Variants in MYT1L observed in about 807,000 individuals in gnomAD.
The protein encoded by MYT1L is myelin transcription factor 1 like.
MYT1L carries 12 observed loss-of-function variants against 126.7 expected under a neutral mutation model. The ratio of observed to expected loss-of-function variants is 0.09; its 90% CI spans 0.06 to 0.15. The LOEUF is 0.15. Ranked by LOEUF, MYT1L falls within the 10% of genes least tolerant of loss-of-function variation. The pLI, the probability that MYT1L is intolerant of heterozygous loss-of-function variation, is 1.00. For synonymous variants in MYT1L, 541 were observed against 604.2 expected, an observed-to-expected ratio of 0.90 and a Z score of 1.53; for missense variants, 979 against 1,585.2, an observed-to-expected ratio of 0.62 and a Z score of 6.49.
At chr2:2,076,433 T>C (rs544472554) in intron 3 of MYT1L, among the ~76,000 whole-genome samples, 144 of 152,332 alleles carry the variant, frequency 9.5e-4, no homozygotes, top group African/African-American at 3.3e-3. Flanking sequence ...TAAAATCCTC[T>C]GGCTATTCAT....
intron 4 of MYT1L, among the ~76,000 whole-genome samples, chr2:2,027,034 C>G (rs938489848): frequency 4.6e-5 from 7 of 152,170 alleles, no homozygotes; most frequent in African/African-American, 1.7e-4. Context: ...TCGGATCGCT[C>G]CACCTGGACC....
chr2:2,322,599 A>G (rs575575718), intron 1 of MYT1L, among the ~76,000 whole-genome samples: 1 of 152,048 alleles, frequency 6.6e-6, no homozygotes, highest in Admixed American at 6.6e-5. Context: ...ACCCTAAAAA[A>G]AAAAAAACAA....
chr2:1,990,645 G>A (rs570454934), intron 5 of MYT1L, among the ~76,000 whole-genome samples: 41 of 152,260 alleles, frequency 2.7e-4, no homozygotes, highest in African/African-American at 9.4e-4. Context: ...TGACACATGT[G>A]GGCAACAGCA....
intron 1 of MYT1L, among the ~76,000 whole-genome samples, chr2:2,329,057 C>T (rs990164855): frequency 1.3e-5 from 2 of 152,146 alleles, no homozygotes; most frequent in African/African-American, 4.8e-5. Context: ...GCGGACAGCT[C>T]CTGGTGCTGA....
chr2:1,876,376 C>T (rs1167197817), intron 18 of MYT1L, among the ~76,000 whole-genome samples: 1 of 152,070 alleles, frequency 6.6e-6, no homozygotes, highest in Non-Finnish European at 1.5e-5. Context: ...TTCGTGCCAT[C>T]CGTGCCCAGG....
intron 2 of MYT1L, among the ~76,000 whole-genome samples, chr2:2,218,622 T>C (rs569026319): frequency 6.6e-6 from 1 of 152,214 alleles, no homozygotes; most frequent in East Asian, 1.9e-4. Context: ...GGCATGAAGT[T>C]TACCACTTGA....
intron 14 of MYT1L, among the ~76,000 whole-genome samples, chr2:1,896,670 A>G (rs560884742): frequency 1.3e-5 from 2 of 152,330 alleles, no homozygotes; most frequent in Admixed American, 6.5e-5. Context: ...CATGGGAACA[A>G]TCGACACTGT....
intron 2 of MYT1L, among the ~76,000 whole-genome samples, chr2:2,180,782 G>C (rs1409996467): frequency 6.7e-6 from 1 of 150,154 alleles, no homozygotes; most frequent in African/African-American, 2.5e-5. Flanking sequence ...ATTTGTACCT[G>C]TGTGTGCCTG....
intron 19 of MYT1L, among the ~76,000 whole-genome samples, chr2:1,844,791 C>A (rs2042273562): frequency 6.6e-6 from 1 of 152,160 alleles, no homozygotes; most frequent in South Asian, 2.1e-4. Context: ...TTGAACCTAA[C>A]AAAAAGTCGC....
chr2:1,878,973 A>G (rs1397292943), intron 18 of MYT1L, among the ~76,000 whole-genome samples: 1 of 152,128 alleles, frequency 6.6e-6, no homozygotes, highest in Non-Finnish European at 1.5e-5. Flanking sequence ...CTTTCTGTAA[A>G]AATGCAAAAA....
At position 1,801,545 on chromosome 2, in the gene MYT1L, G is replaced by A. The variant is rs1171597885; in HGVS notation, c.3276+151C>T. ...AACACTGCCACGGAATGGTGTCTGCGGAAGACCAATATCATAAGGTGGAAA... is the reference window on the plus strand; with the variant it reads ...AACACTGCCACGGAATGGTGTCTGCAGAAGACCAATATCATAAGGTGGAAA... On this transcript the variant is annotated intron_variant, in intron 23 of 24. Transcript: ENST00000647738. The surrounding 1 kb of genome is among the most constrained non-coding windows in gnomAD (Gnocchi z 4.2). 2.5e-5 allele frequency: 15 copies of A among 593,472 alleles called. No individual in the cohort carries two copies. The highest frequency in any genetic ancestry group is 1.1e-4 in the African/African-American group (6 of 53,448). 36.8% of individuals were successfully genotyped at this position (593,472 alleles called of 1,614,324 possible).
intron 2 of MYT1L, among the ~76,000 whole-genome samples, chr2:2,189,852 G>GCGTTCTCAGGACCGCACGGGGAGAAGCT (rs1393894428): frequency 7.2e-6 from 1 of 139,146 alleles, no homozygotes; most frequent in Non-Finnish European, 1.5e-5. Flanking sequence ...GGGAGAAGCA[G>GCGTTCTCAGGACCGCACGGGGAGAAGCT]CGTTCTCAGG....
intron 2 of MYT1L, among the ~76,000 whole-genome samples, chr2:2,240,461 T>C (rs1226387569): frequency 1.3e-5 from 2 of 152,116 alleles, no homozygotes; most frequent in African/African-American, 4.8e-5. Context: ...ATGGCAATAG[T>C]GGTCATTTTT....
rs2096282386 is a variant in MYT1L, at chr2:2,331,248, C to G, written c.-802G>C. 1 of 152,046 alleles carries G rather than the reference C, an allele frequency of 6.6e-6. No individual in the cohort carries two copies. The highest frequency in any genetic ancestry group is 1.5e-5 in the Non-Finnish European group (1 of 68,036). The allele number at this position is 152,046 out of a possible 1,614,324, so 9.4% of individuals were successfully genotyped here. Reference sequence around the variant, plus strand: ...CAACAAGACTGCAGGGAAAAGCTCTCTCACTGTTTAGTGTGCAGTAGCTTA... The same window carrying G: ...CAACAAGACTGCAGGGAAAAGCTCTGTCACTGTTTAGTGTGCAGTAGCTTA... On this transcript the variant is annotated 5_prime_UTR_variant, in exon 1 of 25. Coordinates refer to ENST00000647738, the MANE Select transcript of MYT1L (RefSeq NM_001303052.2).
At chr2:2,042,592 C>A (rs1488661671) in intron 4 of MYT1L, among the ~76,000 whole-genome samples, 2 of 152,030 alleles carry the variant, frequency 1.3e-5, no homozygotes, top group East Asian at 3.9e-4. Flanking sequence ...CATGAAATTT[C>A]TTGTTATGTT....
chr2:2,228,561 G>A lies in MYT1L; in HGVS notation c.-420-55573C>T, dbSNP rs1424657450. Among the ~76,000 whole-genome samples, 1 of 152,048 alleles carries A rather than the reference G, an allele frequency of 6.6e-6. No individual in the cohort carries two copies. The highest frequency in any genetic ancestry group is 6.5e-5 in the Admixed American group (1 of 15,272). Reference sequence around the variant, plus strand: ...CAATCTTTTTGATTTTATAGAAAAAGTATTTATATAAATTCTTGAGTTGAA... The same window carrying A: ...CAATCTTTTTGATTTTATAGAAAAAATATTTATATAAATTCTTGAGTTGAA... On this transcript the variant is annotated intron_variant, in intron 2 of 24. Coordinates refer to ENST00000647738, the MANE Select transcript of MYT1L (RefSeq NM_001303052.2). The surrounding 1 kb of genome is among the most constrained non-coding windows in gnomAD (Gnocchi z 5.9).
chr2:1,984,933 A>G (rs1007200207), intron 5 of MYT1L, among the ~76,000 whole-genome samples: 2 of 152,156 alleles, frequency 1.3e-5, no homozygotes, highest in African/African-American at 4.8e-5. Flanking sequence ...GGAGGAGCTC[A>G]CTTTGGGTCC....
At chr2:1,818,169 G>A (rs1054039457) in intron 21 of MYT1L, among the ~76,000 whole-genome samples, 3 of 152,212 alleles carry the variant, frequency 2.0e-5, no homozygotes, top group Non-Finnish European at 2.9e-5. Flanking sequence ...TGAAACTTTC[G>A]AAGGGGGATA....
intron 4 of MYT1L, among the ~76,000 whole-genome samples, chr2:2,029,492 A>C (rs1287104590): frequency 6.6e-6 from 1 of 152,238 alleles, no homozygotes; most frequent in Non-Finnish European, 1.5e-5. Flanking sequence ...CCACAAGAAC[A>C]GTATGGGGGA....
Sources: allele counts gnomAD v4.1 joint callset (sites outside exome capture counted in the v4.1 genomes callset), GRCh38; gene constraint gnomAD v4.1.1; non-coding constraint Gnocchi (gnomAD v3.1); transcripts MANE v1.5; gene names NCBI Gene and HGNC (gene_info 2026-07-23, HGNC 2026-07-21).